The following ABI3BP variants were observed in gnomAD, a reference collection of about 807,000 sequenced individuals.
The protein encoded by ABI3BP is ABI family member 3 binding protein.
ABI3BP carries 216 observed loss-of-function variants against 268.6 expected under a neutral mutation model. The ratio of observed to expected loss-of-function variants is 0.80; its 90% CI spans 0.72 to 0.90. The LOEUF is 0.90. Among genes scored for constraint, ABI3BP ranks in the 40% least tolerant of loss-of-function variants. The pLI, the probability that ABI3BP is intolerant of heterozygous loss-of-function variation, is 0.00. For synonymous variants in ABI3BP, 730 were observed against 730.0 expected (o/e 1.00, Z 0.00); for missense variants, 2,090 against 2,182.4 (o/e 0.96, Z 0.84).
chr3:100,980,355 C>T (rs1330625510), intron 1 of ABI3BP, among the ~76,000 whole-genome samples: 1 of 152,158 alleles, frequency 6.6e-6, no homozygotes, highest in Non-Finnish European at 1.5e-5. Flanking sequence ...CTCAGCCTCC[C>T]TTGGTTTTTA....
At chr3:100,833,047 A>G (rs923054555) in intron 30 of ABI3BP, 78 bp downstream of exon 30, 58 of 1,224,694 alleles carry the variant, frequency 4.7e-5, no homozygotes, top group Non-Finnish European at 2.6e-5. Context: ...AGATGGTACA[A>G]TAGCCTATAT....
At chr3:100,880,912 G>A (rs780007290) in intron 6 of ABI3BP, among the ~76,000 whole-genome samples, 100 of 151,940 alleles carry the variant, frequency 6.6e-4, no homozygotes, top group Non-Finnish European at 4.0e-4. Flanking sequence ...TTCAGGCCCC[G>A]AGATAAAGAG....
Position 100,850,084 on chromosome 3 carries a change from C to T in ABI3BP, c.1462G>A (p.Glu488Lys). The T allele has an allele frequency of 6.2e-7, 1 of 1,611,132 alleles. No homozygotes were observed. The highest frequency in any genetic ancestry group is 1.7e-5 in the Admixed American group (1 of 59,744). The change falls in exon 17 of 68, where the codon GAA (glutamate) becomes AAA (lysine). Residue 488 changes from glutamate to lysine, a missense_variant. Glu to Lys is a moderately conservative substitution (Grantham distance 56, BLOSUM62 1). Coordinates refer to ENST00000471714, the MANE Select transcript of ABI3BP (RefSeq NM_001375547.2). Reference sequence around the variant, plus strand: ...TGCATTTCTGGACTGGTAAAGATTTCCAGTTTTTGAGGAACAAATGGTGTT... The same window carrying T: ...TGCATTTCTGGACTGGTAAAGATTTTCAGTTTTTGAGGAACAAATGGTGTT... ...SETPFVPQKL[E>K]IFTSPEMQPT...
intron 14 of ABI3BP, among the ~76,000 whole-genome samples, chr3:100,859,582 T>G (rs2098974800): frequency 7.0e-6 from 1 of 142,764 alleles, no homozygotes; most frequent in Non-Finnish European, 1.5e-5. Context: ...AGTACACATG[T>G]AAATTTGCAC....
chr3:100,752,704 C>T, intron 66 of ABI3BP, 83 bp downstream of exon 66: 1 of 1,487,346 alleles, frequency 6.7e-7, no homozygotes. Context: ...GCCTGAAACT[C>T]TTAAGAAAAG....
At chr3:100,861,129 T>C (rs2098993785) in intron 14 of ABI3BP, among the ~76,000 whole-genome samples, 1 of 152,164 alleles carries the variant, frequency 6.6e-6, no homozygotes. Context: ...AAACCAAGAC[T>C]TAGATACAGT....
chr3:100,979,045 G>A (rs1020086634), intron 1 of ABI3BP, among the ~76,000 whole-genome samples: 3 of 152,184 alleles, frequency 2.0e-5, no homozygotes, highest in African/African-American at 7.2e-5. Context: ...CTGGGAACTT[G>A]TGAGAAACGC....
At chr3:100,919,564 G>A (rs900380532) in intron 2 of ABI3BP, among the ~76,000 whole-genome samples, 5 of 152,198 alleles carry the variant, frequency 3.3e-5, no homozygotes, top group Admixed American at 6.5e-5. Flanking sequence ...CTGATCAATC[G>A]TAAATCAACT....
chr3:100,876,974 G>A (rs1306314894), intron 6 of ABI3BP, among the ~76,000 whole-genome samples: 6 of 152,092 alleles, frequency 3.9e-5, no homozygotes, highest in African/African-American at 1.2e-4. Flanking sequence ...GGTGACAACA[G>A]CGAGACTCCA....
chr3:100,828,455 G>T lies in ABI3BP; in HGVS notation c.2543-3C>A. 6.5e-7 allele frequency: 1 copy of T among 1,532,842 alleles called. No individual in the cohort carries two copies. Among genetic ancestry groups the T allele is most frequent in the Non-Finnish European group, 8.7e-7 (1 of 1,144,872 alleles). 95.0% of individuals were successfully genotyped at this position (1,532,842 alleles called of 1,614,324 possible). A position where few individuals can be genotyped will look rare whatever the true frequency, so the allele number is the denominator to read the frequency against. ...TGGTTCAAAGATTGTAGCAGGAACT[G>T]GCCAAAAATAATAAAAATAAAACAC... On this transcript the variant is annotated splice_polypyrimidine_tract_variant and splice_region_variant and intron_variant, in intron 33 of 67. Transcript: ENST00000471714.
At chr3:100,901,029 C>G (rs2050051510) in intron 3 of ABI3BP, among the ~76,000 whole-genome samples, 1 of 152,210 alleles carries the variant, frequency 6.6e-6, no homozygotes, top group African/African-American at 2.4e-5. Context: ...TGGAATCACA[C>G]TGATGTTTCT....
Position 100,825,642 on chromosome 3 carries a change from G to T in ABI3BP, c.2662+143C>A, listed in dbSNP as rs2098366967. 2.2e-5 allele frequency: 15 copies of T among 691,336 alleles called. No individual in the cohort carries two copies. The East Asian group carries it at 4.1e-4, about 19-fold the overall frequency. The allele number at this position is 691,336 out of a possible 1,614,324, so 42.8% of individuals were successfully genotyped here. On this transcript the variant is annotated intron_variant, in intron 35 of 67. Coordinates refer to ENST00000471714, the MANE Select transcript of ABI3BP (RefSeq NM_001375547.2). Reference sequence around the variant, plus strand: ...AGGCTTCAGTATTCTTCAGATGATAGAAATAGTTGAATGGTCACAGGCAGT... The same window carrying T: ...AGGCTTCAGTATTCTTCAGATGATATAAATAGTTGAATGGTCACAGGCAGT...
In ABI3BP at chr3:100,752,961, A is replaced by G. The variant is rs778713016; in HGVS notation, c.4961-13T>C. 6.2e-7 allele frequency: 1 copy of G among 1,605,294 alleles called. No individual in the cohort carries two copies. Among genetic ancestry groups the G allele is most frequent in the Admixed American group, 1.7e-5 (1 of 58,508 alleles). ...GCATCTCTTCCTGCTACAAAAGGAA[A>G]ATAGTTTGAGTTTAGTATCTGACTC... On this transcript the variant is annotated splice_polypyrimidine_tract_variant and intron_variant, in intron 65 of 67. Transcript: ENST00000471714.
intron 67 of ABI3BP, 36 bp from the exon 68 acceptor site, chr3:100,750,646 G>A: frequency 1.3e-6 from 2 of 1,512,184 alleles, no homozygotes; most frequent in South Asian, 2.3e-5. Flanking sequence ...AATAGCTGCT[G>A]TATTATATTT....
chr3:100,890,428 T>C (rs2044029314), intron 4 of ABI3BP, among the ~76,000 whole-genome samples: 3 of 152,142 alleles, frequency 2.0e-5, no homozygotes. Context: ...AAAAGCATTC[T>C]CATCTTCTCA....
At chr3:100,939,943 C>T (rs1263680497) in intron 1 of ABI3BP, among the ~76,000 whole-genome samples, 1 of 152,020 alleles carries the variant, frequency 6.6e-6, no homozygotes, top group African/African-American at 2.4e-5. Flanking sequence ...AGGGATGTTC[C>T]TTGCTGAGAA....
At position 100,752,814 on chromosome 3, in the gene ABI3BP, T is replaced by G. The variant is rs756119491; in HGVS notation, c.5095A>C (p.Lys1699Gln). Reference protein sequence around the residue: ...GVQLCNSLRYKIYLSDSLTGK... With the variant: ...GVQLCNSLRYQIYLSDSLTGK... Reference sequence around the variant, plus strand: ...GTGAGGGAGTCGCTCAAGTAAATCTTGTATCTGAGAGAGTTGCACAGCTGC... The same window carrying G: ...GTGAGGGAGTCGCTCAAGTAAATCTGGTATCTGAGAGAGTTGCACAGCTGC... Residue 1699 changes from lysine to glutamine, a missense_variant, in exon 66 of 68, where the codon AAG becomes CAG. Physicochemically the swap from Lys to Gln is moderately conservative, Grantham distance 53. Coordinates refer to ENST00000471714, the MANE Select transcript of ABI3BP (RefSeq NM_001375547.2). The G allele has an allele frequency of 1.1e-5, 18 of 1,613,282 alleles. No homozygotes were observed. In the South Asian group the frequency reaches 1.9e-4, roughly 17 times the overall value.
At chr3:100,824,383 G>T (rs1285194735) in intron 36 of ABI3BP, among the ~76,000 whole-genome samples, 1 of 152,078 alleles carries the variant, frequency 6.6e-6, no homozygotes, top group African/African-American at 2.4e-5. Context: ...TATCTTTTGA[G>T]ATAAAACACA....
At chr3:100,827,654 C>T (rs2098412742) in intron 34 of ABI3BP, among the ~76,000 whole-genome samples, 1 of 152,078 alleles carries the variant, frequency 6.6e-6, no homozygotes, top group Non-Finnish European at 1.5e-5. Context: ...AAAAATTTTG[C>T]TCCTACTATA....
Sources: allele counts gnomAD v4.1 joint callset (sites outside exome capture counted in the v4.1 genomes callset), GRCh38; gene constraint gnomAD v4.1.1; transcripts MANE v1.5; gene names NCBI Gene and HGNC (gene_info 2026-07-23, HGNC 2026-07-21).